USP31: variants seen among roughly 807,000 people sequenced by gnomAD.
USP31 encodes ubiquitin carboxyl-terminal hydrolase 31.
In USP31, 44 loss-of-function variants were observed where a neutral mutation model predicts 119.4. The observed-to-expected ratio is 0.37, with a 90% CI of 0.29 to 0.47. The LOEUF is 0.47. USP31 is among the 20% of genes least tolerant of loss of function. The pLI, the probability that USP31 is intolerant of heterozygous loss-of-function variation, is 0.99. For missense variants in USP31, 1,643 were observed against 1,730.2 expected (o/e 0.95, Z 0.89); for synonymous variants, 749 against 705.6 (o/e 1.06, Z -0.97).
chr16:23,090,782 T>G lies in USP31; in HGVS notation c.1257A>C (p.Leu419=). The G allele has an allele frequency of 6.3e-7, 1 of 1,586,876 alleles. No individual in the cohort carries two copies. Among genetic ancestry groups the G allele is most frequent in the Non-Finnish European group, 8.6e-7 (1 of 1,159,958 alleles). The change falls in exon 7 of 16, where the codon CTA becomes CTC. Residue 419 remains leucine (L), a synonymous_variant. Transcript: ENST00000219689. Reference sequence around the variant, plus strand: ...AATCCAAGCCAAATTTCAAGTGGTTTAGGTTGTTGTTTAAATGAATTCCTG... The same window carrying G: ...AATCCAAGCCAAATTTCAAGTGGTTGAGGTTGTTGTTTAAATGAATTCCTG... ...SQRGIHLNNN[L]NHLKFGLDYH...
chr16:23,109,630 A>C (rs545539894), intron 1 of USP31, among the ~76,000 whole-genome samples: 8 of 152,290 alleles, frequency 5.3e-5, no homozygotes, highest in African/African-American at 1.7e-4. Context: ...GAGGAGTAGA[A>C]AGTAACTTAT....
chr16:23,135,137 TAAAAAAAA>T (rs71151697), intron 1 of USP31, among the ~76,000 whole-genome samples: 2 of 127,842 alleles, frequency 1.6e-5, no homozygotes, highest in Non-Finnish European at 3.3e-5. Context: ...TTTCATGATT[TAAAAAAAA>T]AAAAAAAAAA....
intron 1 of USP31, among the ~76,000 whole-genome samples, chr16:23,113,091 G>C (rs1444057461): frequency 6.6e-6 from 1 of 152,098 alleles, no homozygotes. Context: ...GGTTGACTCG[G>C]GATGGAAGAC....
chr16:23,135,787 T>C (rs1903171061), intron 1 of USP31, among the ~76,000 whole-genome samples: 1 of 152,220 alleles, frequency 6.6e-6, no homozygotes, highest in Non-Finnish European at 1.5e-5. Context: ...AGGCAATCTC[T>C]GTCAAAATCC....
intron 14 of USP31, 152 bp from the exon 15 acceptor site, chr16:23,072,349 G>T: frequency 3.9e-6 from 4 of 1,026,256 alleles, no homozygotes; most frequent in Non-Finnish European, 5.8e-6. Context: ...CCTGTGTCAT[G>T]TCGTGCCTGT....
In USP31 at chr16:23,090,761, C is replaced by T; in HGVS notation, c.1278G>A (p.Leu426=). ...TAGGAGAAGACAGTCTATGATAATC[C>T]AAGCCAAATTTCAAGTGGTTTAGGT... is the stretch of plus-strand genomic sequence containing the variant. ...NNNLNHLKFG[L]DYHRLSSPTQ... Residue 426 remains leucine, a synonymous_variant, in exon 7 of 16, where the codon TTG becomes TTA. Coordinates refer to ENST00000219689, the MANE Select transcript of USP31 (RefSeq NM_020718.4). The T allele has an allele frequency of 6.2e-7, 1 of 1,608,122 alleles. No homozygotes were observed. Among genetic ancestry groups the T allele is most frequent in the Admixed American group, 1.7e-5 (1 of 59,966 alleles).
chr16:23,129,992 C>A (rs781325568), intron 1 of USP31, among the ~76,000 whole-genome samples: 1 of 152,116 alleles, frequency 6.6e-6, no homozygotes, highest in Non-Finnish European at 1.5e-5. Flanking sequence ...ATACCAGGCA[C>A]CATATTAGGC....
chr16:23,117,729 T>C (rs1287592401), intron 1 of USP31, among the ~76,000 whole-genome samples: 1 of 151,596 alleles, frequency 6.6e-6, no homozygotes, highest in Non-Finnish European at 1.5e-5. Flanking sequence ...CTCATTCTAC[T>C]ACGTTTGATT....
At position 23,066,641 on chromosome 16, in the gene USP31, C is replaced by G. The variant is rs895188439; in HGVS notation, c.*1405G>C. On this transcript the variant is annotated 3_prime_UTR_variant, in exon 16 of 16. Transcript: ENST00000219689. ...AATGCTATTCAGAGAGAATCAAGAC[C>G]TTCACTCTCTTGACATTTAAAAAAA... 6.6e-6 allele frequency: 1 copy of G among 152,008 alleles called. No individual in the cohort carries two copies. Among genetic ancestry groups the G allele is most frequent in the Admixed American group, 6.6e-5 (1 of 15,260 alleles). The allele number at this position is 152,008 out of a possible 1,614,324, so 9.4% of individuals were successfully genotyped here. A position where few individuals can be genotyped will look rare whatever the true frequency, so the allele number is the denominator to read the frequency against.
In USP31 at chr16:23,084,915, T is replaced by C; in HGVS notation, c.1775A>G (p.Gln592Arg). Residue 592 changes from glutamine (Q) to arginine (R), a missense_variant, in exon 11 of 16, where the codon CAG (glutamine) becomes CGG (arginine). Gln to Arg is a conservative substitution (Grantham distance 43). This residue lies in a region of USP31 where 279 missense variants were observed against 372.2 expected (regional missense o/e 0.75). Transcript: ENST00000219689. ...CTGGGATAAAGTGCAGGTTTGAGGCTGATGATGACGCTCCCTTTGCAGACG... is the reference window on the plus strand; with the variant it reads ...CTGGGATAAAGTGCAGGTTTGAGGCCGATGATGACGCTCCCTTTGCAGACG... Reference protein sequence around the residue: ...SVRLQRERHHQPQTCTLSQCF... With the variant: ...SVRLQRERHHRPQTCTLSQCF... The C allele has an allele frequency of 1.9e-6, 3 of 1,614,152 alleles. No homozygotes were observed. Among genetic ancestry groups the C allele is most frequent in the Non-Finnish European group, 2.5e-6 (3 of 1,180,020 alleles).
At chr16:23,074,400 G>T (rs1900474605) in intron 13 of USP31, among the ~76,000 whole-genome samples, 2 of 152,240 alleles carry the variant, frequency 1.3e-5, no homozygotes, top group East Asian at 1.9e-4. Flanking sequence ...CAAATAATAT[G>T]AATAGAAATA....
At chr16:23,114,106 A>AAC (rs907973475) in intron 1 of USP31, among the ~76,000 whole-genome samples, 8 of 147,262 alleles carry the variant, frequency 5.4e-5, no homozygotes, top group African/African-American at 2.0e-4. Flanking sequence ...CCCTTACTCA[A>AAC]AAAAAAAAAA....
At chr16:23,072,342 G>T in intron 14 of USP31, 145 bp from the exon 15 acceptor site, 1 of 1,083,168 alleles carries the variant, frequency 9.2e-7, no homozygotes, top group Non-Finnish European at 1.4e-6. Flanking sequence ...CCCAGACCCT[G>T]TGTCATGTCG....
In USP31 at chr16:23,063,260, T is replaced by C. The variant is rs1899924773; in HGVS notation, c.*4786A>G. On this transcript the variant is annotated 3_prime_UTR_variant, in exon 16 of 16. Transcript: ENST00000219689. ...TGGGAAACACTAAACAAATGTAAGATGGATCTAGAACCGAATCCACTGCAC... is the reference window on the plus strand; with the variant it reads ...TGGGAAACACTAAACAAATGTAAGACGGATCTAGAACCGAATCCACTGCAC... The C allele has an allele frequency of 6.6e-6, 1 of 152,230 alleles. No individual in the cohort carries two copies. The highest frequency in any genetic ancestry group is 1.5e-5 in the Non-Finnish European group (1 of 68,042). The allele number at this position is 152,230 out of a possible 1,614,324, so 9.4% of individuals were successfully genotyped here.
chr16:23,082,919 C>T (rs1900902005), intron 11 of USP31, among the ~76,000 whole-genome samples: 1 of 143,022 alleles, frequency 7.0e-6, no homozygotes, highest in South Asian at 2.3e-4. Flanking sequence ...CAACCTCCAC[C>T]CATCAGGCTC....
intron 14 of USP31, among the ~76,000 whole-genome samples, chr16:23,073,261 C>A (rs908058275): frequency 2.6e-5 from 4 of 152,146 alleles, no homozygotes; most frequent in Non-Finnish European, 1.5e-5. Flanking sequence ...CAGACTATTT[C>A]TAATGGTCCT....
chr16:23,123,053 AATGGTGTTAGAAGACGATCTAATGG>A (rs1272279515), intron 1 of USP31, among the ~76,000 whole-genome samples: 5 of 152,224 alleles, frequency 3.3e-5, no homozygotes, highest in African/African-American at 1.2e-4. Context: ...ATGTTTAATC[AATGGTGTTAGAAGACGATCTAATGG>A]ATGGTGTTAG....
At chr16:23,122,481 A>T (rs914771228) in intron 1 of USP31, among the ~76,000 whole-genome samples, 2 of 152,218 alleles carry the variant, frequency 1.3e-5, no homozygotes, top group African/African-American at 4.8e-5. Flanking sequence ...GAACAAAAAC[A>T]TATCTCCACA....
intron 7 of USP31, among the ~76,000 whole-genome samples, chr16:23,089,232 ACTGGGGCT>A (rs759874817): frequency 6.6e-6 from 1 of 152,220 alleles, no homozygotes; most frequent in Middle Eastern, 3.4e-3. Context: ...CACACAGCAC[ACTGGGGCT>A]CAGCTTGGCT....
Sources: allele counts gnomAD v4.1 joint callset (sites outside exome capture counted in the v4.1 genomes callset), GRCh38; gene constraint gnomAD v4.1.1; regional missense constraint gnomAD v4.1.1; transcripts MANE v1.5; gene names NCBI Gene and HGNC (gene_info 2026-07-23, HGNC 2026-07-21).